Variants in DSCAM observed in about 807,000 individuals in gnomAD.
DSCAM encodes DS cell adhesion molecule.
In DSCAM, 47 loss-of-function variants were observed where a neutral mutation model predicts 217.7. That is an observed-to-expected ratio of 0.22 (90% confidence interval 0.17 to 0.28). DSCAM has a LOEUF of 0.28. Ranked by LOEUF, DSCAM falls within the 10% of genes least tolerant of loss-of-function variation. The pLI is 1.00. For missense variants in DSCAM, 2,080 were observed against 2,618.3 expected, an observed-to-expected ratio of 0.79 and a Z score of 4.49; for synonymous variants, 1,056 against 1,015.3, an observed-to-expected ratio of 1.04 and a Z score of -0.76.
chr21:40,067,540 C>T (rs2837414), intron 27 of DSCAM, among the ~76,000 whole-genome samples: 2,081 of 152,278 alleles, frequency 0.014, 37 homozygotes, highest in African/African-American at 0.039. Flanking sequence ...AGGCTGCTTA[C>T]GCTTTGGAAC....
intron 3 of DSCAM, among the ~76,000 whole-genome samples, chr21:40,542,214 T>C (rs73902675): frequency 3.9e-4 from 59 of 152,298 alleles, no homozygotes; most frequent in African/African-American, 1.2e-3. Flanking sequence ...TCTCAAAAAA[T>C]GAATGTTCAG....
intron 3 of DSCAM, among the ~76,000 whole-genome samples, chr21:40,591,296 A>C (rs1449456655): frequency 6.6e-6 from 1 of 152,194 alleles, no homozygotes; most frequent in Non-Finnish European, 1.5e-5. Flanking sequence ...AGAATAATAC[A>C]CTTATAAACA....
At chr21:40,120,909 A>T (rs936022766) in intron 20 of DSCAM, among the ~76,000 whole-genome samples, 1 of 152,220 alleles carries the variant, frequency 6.6e-6, no homozygotes, top group Non-Finnish European at 1.5e-5. Flanking sequence ...TGTCTATTTT[A>T]ACAGGGTTCT....
intron 1 of DSCAM, among the ~76,000 whole-genome samples, chr21:40,787,009 C>T (rs781283038): frequency 3.3e-5 from 5 of 152,152 alleles, no homozygotes; most frequent in African/African-American, 4.8e-5. Flanking sequence ...CCCAAGGGCT[C>T]GATTTGAAAC....
intron 3 of DSCAM, among the ~76,000 whole-genome samples, chr21:40,422,758 T>C (rs73902616): frequency 6.6e-6 from 1 of 152,222 alleles, no homozygotes; most frequent in South Asian, 2.1e-4. Flanking sequence ...TTCCTCCATA[T>C]GAGGCAGCCA....
chr21:40,527,185 C>T (rs543340452), intron 3 of DSCAM, among the ~76,000 whole-genome samples: 38 of 152,306 alleles, frequency 2.5e-4, no homozygotes, highest in Non-Finnish European at 5.0e-4. Context: ...TCCAGCCACA[C>T]TGCCTTCAGA....
At chr21:40,245,876 A>G (rs1050464412) in intron 11 of DSCAM, among the ~76,000 whole-genome samples, 1 of 152,132 alleles carries the variant, frequency 6.6e-6, no homozygotes, top group Non-Finnish European at 1.5e-5. Context: ...CTTAAAAACT[A>G]GGAGCTCCAC....
chr21:40,026,690 G>A (rs528332457), intron 32 of DSCAM, among the ~76,000 whole-genome samples: 11 of 148,642 alleles, frequency 7.4e-5, no homozygotes, highest in Admixed American at 6.7e-4. Flanking sequence ...GACTAGGATT[G>A]CAACCCCTGC....
chr21:40,440,878 G>T (rs2075624056), intron 3 of DSCAM, among the ~76,000 whole-genome samples: 1 of 152,216 alleles, frequency 6.6e-6, no homozygotes. Context: ...GTGTGTATTA[G>T]CTAGTCCTAT....
intron 3 of DSCAM, among the ~76,000 whole-genome samples, chr21:40,410,641 A>C (rs958813107): frequency 1.3e-5 from 2 of 152,074 alleles, no homozygotes; most frequent in Non-Finnish European, 2.9e-5. Flanking sequence ...GCCAGGGTTA[A>C]ATTACGAACA....
chr21:40,567,885 T>C (rs1040956898), intron 3 of DSCAM, among the ~76,000 whole-genome samples: 1 of 152,242 alleles, frequency 6.6e-6, no homozygotes, highest in Non-Finnish European at 1.5e-5. Context: ...ATTTTGTTCC[T>C]TTCTATAAGA....
At chr21:40,386,477 G>A (rs1451886787) in intron 3 of DSCAM, among the ~76,000 whole-genome samples, 4 of 152,134 alleles carry the variant, frequency 2.6e-5, no homozygotes, top group Admixed American at 6.5e-5. Flanking sequence ...GGGCCGCTGC[G>A]GGAGAACACT....
Position 40,313,049 on chromosome 21 carries a change from C to T in DSCAM, c.1784-690G>A, listed in dbSNP as rs1380417698. 2.7e-5 allele frequency among the ~76,000 whole-genome samples: 4 copies of T among 150,070 alleles called. No individual in the cohort carries two copies. In the East Asian group the frequency reaches 5.9e-4, roughly 22 times the overall value. ...GGAGGATCCCTTGAGCCCAGGAGTT[C>T]GAGGCTGCAGTAAGCTACGAGGGCA... is the stretch of plus-strand genomic sequence containing the variant. On this transcript the variant is annotated intron_variant, in intron 8 of 32. Transcript: ENST00000400454.
chr21:40,361,404 AG>A (rs2123675821), intron 4 of DSCAM, among the ~76,000 whole-genome samples: 1 of 152,272 alleles, frequency 6.6e-6, no homozygotes, highest in South Asian at 2.1e-4. Context: ...GGGGATCACA[AG>A]GTCAGGAGAT....
intron 1 of DSCAM, among the ~76,000 whole-genome samples, chr21:40,785,142 T>C (rs1288290327): frequency 3.3e-5 from 5 of 152,222 alleles, no homozygotes; most frequent in East Asian, 1.9e-4. Context: ...ACAATTTGCA[T>C]TGAGCCACAA....
intron 3 of DSCAM, among the ~76,000 whole-genome samples, chr21:40,541,329 C>G (rs1004938571): frequency 6.6e-6 from 1 of 152,084 alleles, no homozygotes; most frequent in African/African-American, 2.4e-5. Flanking sequence ...GAAACAAGAC[C>G]TATGTGGAAA....
intron 3 of DSCAM, among the ~76,000 whole-genome samples, chr21:40,457,193 G>A (rs1321960097): frequency 6.6e-6 from 1 of 152,152 alleles, no homozygotes; most frequent in Non-Finnish European, 1.5e-5. Flanking sequence ...TGGCCATAGT[G>A]GGAAGTTGAC....
intron 20 of DSCAM, among the ~76,000 whole-genome samples, chr21:40,106,066 C>G (rs1287701146): frequency 6.6e-6 from 1 of 152,192 alleles, no homozygotes; most frequent in Non-Finnish European, 1.5e-5. Flanking sequence ...CACAGTTCCA[C>G]ATGGCTGGGG....
intron 3 of DSCAM, among the ~76,000 whole-genome samples, chr21:40,465,597 G>A (rs186660344): frequency 5.8e-4 from 89 of 152,298 alleles, no homozygotes; most frequent in East Asian, 2.5e-3. Flanking sequence ...GGCCCAGGAC[G>A]GCTTTGAATG....
Sources: gnomAD v4.1 joint callset for allele counts (sites outside exome capture counted in the v4.1 genomes callset) on GRCh38, gnomAD v4.1.1 for gene constraint, MANE v1.5 for transcripts, NCBI Gene and HGNC (gene_info 2026-07-23, HGNC 2026-07-21) for gene names.